The following CRYL1 variants were observed in gnomAD, a reference collection of about 807,000 sequenced individuals.
The protein encoded by CRYL1 is crystallin lambda 1.
In CRYL1, 29 loss-of-function variants were observed where a neutral mutation model predicts 36.6. The ratio of observed to expected loss-of-function variants is 0.79; its 90% CI spans 0.59 to 1.08. CRYL1 has a LOEUF of 1.08. Among genes scored for constraint, CRYL1 ranks in the 50% least tolerant of loss-of-function variants. The pLI is 0.00. For missense variants in CRYL1, 411 were observed against 407.9 expected (o/e 1.01, Z -0.06); for synonymous variants, 152 against 151.5 (o/e 1.00, Z -0.02).
intron 3 of CRYL1, among the ~76,000 whole-genome samples, chr13:20,475,904 C>T (rs1411002609): frequency 6.6e-6 from 1 of 152,134 alleles, no homozygotes; most frequent in Non-Finnish European, 1.5e-5. Context: ...AGGCAGAGAG[C>T]CTGTTAAAGG....
chr13:20,459,229 C>A (rs2032755448), intron 3 of CRYL1, among the ~76,000 whole-genome samples: 1 of 112,422 alleles, frequency 8.9e-6, no homozygotes, highest in Non-Finnish European at 1.8e-5. Context: ...GAGCGAGACT[C>A]CATCTCAAAA....
At chr13:20,453,032 A>C (rs1186390893) in intron 3 of CRYL1, among the ~76,000 whole-genome samples, 1 of 152,250 alleles carries the variant, frequency 6.6e-6, no homozygotes, top group Non-Finnish European at 1.5e-5. Context: ...TGGAGACCTC[A>C]ATAACTTTCT....
At chr13:20,423,770 CTTTT>C (rs1158080893) in intron 5 of CRYL1, among the ~76,000 whole-genome samples, 1,293 of 100,146 alleles carry the variant, frequency 0.013, 24 homozygotes, top group African/African-American at 0.047. Flanking sequence ...GGTGTGGGTT[CTTTT>C]TTTTTTTTTT....
At chr13:20,437,042 T>A (rs2137398763) in intron 4 of CRYL1, among the ~76,000 whole-genome samples, 1 of 152,104 alleles carries the variant, frequency 6.6e-6, no homozygotes, top group Admixed American at 6.5e-5. Context: ...TGTCTTGTAA[T>A]TCCATCACTT....
intron 3 of CRYL1, among the ~76,000 whole-genome samples, chr13:20,453,106 C>T (rs111874253): frequency 0.016 from 2,422 of 152,270 alleles, 68 homozygotes; most frequent in African/African-American, 0.055. Context: ...TATCAACCAA[C>T]TTGATCTACT....
intron 6 of CRYL1, among the ~76,000 whole-genome samples, chr13:20,411,070 G>A (rs373563864): frequency 5.3e-5 from 8 of 152,296 alleles, no homozygotes; most frequent in East Asian, 3.9e-4. Flanking sequence ...TAGCTTTTCA[G>A]GCTAATAACT....
rs76832854 is a variant in CRYL1 at position 20,442,306 on chromosome 13, G to T, written c.277-2552C>A. Among the ~76,000 whole-genome samples the T allele has an allele frequency of 2.0e-4, 30 of 152,314 alleles. 2 individuals are homozygous for T. The East Asian group carries it at 5.2e-3, about 26-fold the overall frequency. On this transcript the variant is annotated intron_variant, in intron 3 of 7. Coordinates refer to ENST00000298248, the MANE Select transcript of CRYL1 (RefSeq NM_015974.3). Reference sequence around the variant, plus strand: ...GTTTTTAATGGCACATTTGCTTGAAGTTTTGTTGCTGTAGTTGTTGCTGTT... The same window carrying T: ...GTTTTTAATGGCACATTTGCTTGAATTTTTGTTGCTGTAGTTGTTGCTGTT...
chr13:20,478,376 A>G (rs1011911103), intron 3 of CRYL1, among the ~76,000 whole-genome samples: 9 of 152,192 alleles, frequency 5.9e-5, no homozygotes, highest in Non-Finnish European at 1.0e-4. Context: ...TTCCATCTAG[A>G]CTGACTATAT....
intron 3 of CRYL1, among the ~76,000 whole-genome samples, chr13:20,448,311 A>C (rs532646014): frequency 6.6e-6 from 1 of 152,356 alleles, no homozygotes; most frequent in East Asian, 1.9e-4. Flanking sequence ...GAAAGTATCA[A>C]ATAATCTAAC....
At position 20,467,127 on chromosome 13, in the gene CRYL1, T is replaced by C. The variant is rs1339803822; in HGVS notation, c.276+22243A>G. 1.4e-4 allele frequency among the ~76,000 whole-genome samples: 19 copies of C among 135,702 alleles called. 1 individual carries two copies. The highest frequency in any genetic ancestry group is 3.6e-3 in the Middle Eastern group (1 of 278). The allele number at this position is 135,702 out of a possible 152,430, so 89.0% of individuals were successfully genotyped here. A position where few individuals can be genotyped will look rare whatever the true frequency, so the allele number is the denominator to read the frequency against. On this transcript the variant is annotated intron_variant, in intron 3 of 7. Transcript: ENST00000298248. ...CACGCCCGGCTGATTTTTTTTTTTT[T>C]CAGTAGAGATGGGGTTTCACCGTGT...
chr13:20,522,211 A>G (rs915869044), intron 1 of CRYL1, among the ~76,000 whole-genome samples: 1 of 152,094 alleles, frequency 6.6e-6, no homozygotes, highest in East Asian at 1.9e-4. Flanking sequence ...TTAGCCAGCA[A>G]TGGTGGTTCG....
chr13:20,420,235 G>A (rs988336055), intron 5 of CRYL1, among the ~76,000 whole-genome samples: 1 of 152,200 alleles, frequency 6.6e-6, no homozygotes, highest in African/African-American at 2.4e-5. Context: ...GGACGCGCAG[G>A]AGTCAGCGCT....
rs1449065767 is a variant in CRYL1, at chr13:20,415,480, C to CA, written c.634-2094dup. Among the ~76,000 whole-genome samples, 1 of 152,186 alleles carries CA rather than the reference C, an allele frequency of 6.6e-6. No homozygotes were observed. Among genetic ancestry groups the CA allele is most frequent in the Admixed American group, 6.5e-5 (1 of 15,284 alleles). The stretch of plus-strand genomic sequence containing the variant: ...AGAGAGCGCGGCGGTGAAGCGGGAG[C>CA]AGGCGGCCTGGCCCAGGAGCCAGGA... On this transcript the variant is annotated intron_variant, in intron 5 of 7. Coordinates refer to ENST00000298248, the MANE Select transcript of CRYL1 (RefSeq NM_015974.3). The surrounding 1 kb of genome is among the most constrained non-coding windows in gnomAD (Gnocchi z 4.1).
At chr13:20,473,112 G>A (rs1418889621) in intron 3 of CRYL1, 2 of 152,218 alleles carry the variant, frequency 1.3e-5, no homozygotes, top group East Asian at 3.8e-4. Flanking sequence ...AAGAAGGTGA[G>A]GTAAAATTAG....
chr13:20,512,365 T>C, intron 2 of CRYL1, 78 bp downstream of exon 2: 2 of 1,007,026 alleles, frequency 2.0e-6, no homozygotes, highest in Non-Finnish European at 3.1e-6. Context: ...CCTCATAGCC[T>C]TGAGGATATG....
Position 20,512,543 on chromosome 13 carries a change from T to G in CRYL1, c.49A>C (p.Ile17Leu). 1 of 1,612,326 alleles carries G rather than the reference T, an allele frequency of 6.2e-7. No individual in the cohort carries two copies. The highest frequency in any genetic ancestry group is 8.5e-7 in the Non-Finnish European group (1 of 1,178,520). The change falls in exon 2 of 8, where the codon ATT becomes CTT. Residue 17 changes from isoleucine (I) to leucine (L), a missense_variant. Physicochemically the swap from Ile to Leu is conservative, Grantham distance 5. Transcript: ENST00000298248. Reference protein sequence around the residue: ...GCVVIVGSGVIGRSWAMLFAS... With the variant: ...GCVVIVGSGVLGRSWAMLFAS... ...AACAGCATGGCCCAGCTTCGCCCAATGACTCCACTGAAGGGAGATAAAAGA... is the reference window on the plus strand; with the variant it reads ...AACAGCATGGCCCAGCTTCGCCCAAGGACTCCACTGAAGGGAGATAAAAGA...
chr13:20,444,379 G>A (rs533403688), intron 3 of CRYL1, among the ~76,000 whole-genome samples: 1 of 152,302 alleles, frequency 6.6e-6, no homozygotes, highest in Admixed American at 6.5e-5. Context: ...GTAAAAATCA[G>A]TGTAGACTGA....
chr13:20,414,206 TAC>T lies in CRYL1; in HGVS notation c.634-821_634-820del, dbSNP rs55719240. ...AATAAATAAATAAAAATTAAAAAAA[TAC>T]ACACACACACACACACACACATATG... is the stretch of plus-strand genomic sequence containing the variant. On this transcript the variant is annotated intron_variant, in intron 5 of 7. Transcript: ENST00000298248. 0.024 allele frequency among the ~76,000 whole-genome samples: 3,670 copies of T among 150,562 alleles called. 137 individuals are homozygous for T. The highest frequency in any genetic ancestry group is 0.076 in the African/African-American group (3,114 of 40,978).
At chr13:20,479,414 G>A (rs1439324653) in intron 3 of CRYL1, among the ~76,000 whole-genome samples, 1 of 152,064 alleles carries the variant, frequency 6.6e-6, no homozygotes, top group Non-Finnish European at 1.5e-5. Flanking sequence ...TTGCCCTGAA[G>A]AAAGTCACAA....
Sources: allele counts gnomAD v4.1 joint callset (sites outside exome capture counted in the v4.1 genomes callset), GRCh38; gene constraint gnomAD v4.1.1; non-coding constraint Gnocchi (gnomAD v3.1); transcripts MANE v1.5; gene names NCBI Gene and HGNC (gene_info 2026-07-23, HGNC 2026-07-21).